The following MAP3K5 variants were observed in gnomAD, a reference collection of about 807,000 sequenced individuals.
MAP3K5 encodes ASK-1.
Under a neutral mutation model 158.7 loss-of-function variants are expected in MAP3K5, and 56 were observed. The observed-to-expected ratio is 0.35, with a 90% CI of 0.28 to 0.44. The LOEUF (loss-of-function observed/expected upper bound fraction) is 0.44. Among genes scored for constraint, MAP3K5 ranks in the 20% least tolerant of loss-of-function variants. The pLI, the probability that MAP3K5 is intolerant of heterozygous loss-of-function variation, is 1.00. For synonymous variants in MAP3K5, 579 were observed against 601.7 expected, an observed-to-expected ratio of 0.96 and a Z score of 0.55; for missense variants, 1,294 against 1,674.8, an observed-to-expected ratio of 0.77 and a Z score of 3.97.
At chr6:136,670,539 A>C (rs1230560530) in intron 7 of MAP3K5, among the ~76,000 whole-genome samples, 1 of 152,094 alleles carries the variant, frequency 6.6e-6, no homozygotes, top group Non-Finnish European at 1.5e-5. Context: ...AAGCATTCTC[A>C]CCTAAGTCAT....
intron 7 of MAP3K5, among the ~76,000 whole-genome samples, chr6:136,683,895 A>T (rs764790504): frequency 1.3e-5 from 2 of 152,174 alleles, no homozygotes; most frequent in Non-Finnish European, 2.9e-5. Flanking sequence ...GGCAACACGA[A>T]ATTCACTGGA....
intron 2 of MAP3K5, among the ~76,000 whole-genome samples, chr6:136,706,640 A>G (rs935124302): frequency 2.0e-5 from 3 of 152,170 alleles, no homozygotes; most frequent in Non-Finnish European, 2.9e-5. Context: ...GGGAGGGAAG[A>G]GTGTGGCCAG....
rs1421872092 is a variant in MAP3K5 at position 136,593,792 on chromosome 6, T to G, written c.2879-1178A>C. On this transcript the variant is annotated intron_variant, in intron 21 of 29. Transcript: ENST00000359015. Reference sequence around the variant, plus strand: ...CACACATCCTAATGCTACAAAAGCATTTTAATAAAGAATGAAGGTATAAAA... The same window carrying G: ...CACACATCCTAATGCTACAAAAGCAGTTTAATAAAGAATGAAGGTATAAAA... The G allele has an allele frequency of 1.2e-4, 46 of 395,374 alleles. 1 individual carries two copies. In the Admixed American group the frequency reaches 1.6e-3, roughly 14 times the overall value. The allele number at this position is 395,374 out of a possible 1,614,324, so 24.5% of individuals were successfully genotyped here.
At chr6:136,688,972 T>A (rs1267407098) in intron 7 of MAP3K5, among the ~76,000 whole-genome samples, 2 of 152,138 alleles carry the variant, frequency 1.3e-5, no homozygotes, top group African/African-American at 2.4e-5. Context: ...GGCTGCACAA[T>A]TACACTCCTC....
rs772781526 is a variant in MAP3K5, at chr6:136,669,344, A to G, written c.1305T>C (p.Tyr435=). The part of the protein sequence containing the change: ...SEPTLQSGIN[Y]AVLLLAAGHQ... ...GTCCAGCTGCCAGGAGGAGGACCGC[A>G]TAATTAATTCCTGACTGTAGTGTTG... The change falls in exon 8 of 30, where the codon TAT becomes TAC. Residue 435 remains tyrosine, a synonymous_variant. Transcript: ENST00000359015. The G allele has an allele frequency of 2.5e-6, 4 of 1,613,838 alleles. No individual in the cohort carries two copies. Among genetic ancestry groups the G allele is most frequent in the African/African-American group, 1.3e-5 (1 of 74,930 alleles).
At chr6:136,615,362 G>T (rs1776517226) in intron 15 of MAP3K5, among the ~76,000 whole-genome samples, 1 of 152,204 alleles carries the variant, frequency 6.6e-6, no homozygotes, top group Non-Finnish European at 1.5e-5. Flanking sequence ...TACTTCCCTT[G>T]CAGGGGTTAA....
Position 136,622,969 on chromosome 6 carries a change from A to G in MAP3K5, c.2029T>C (p.Tyr677His), listed in dbSNP as rs770073908. The change falls in exon 15 of 30, where the codon TAT becomes CAT. Residue 677 changes from tyrosine (Y) to histidine (H), a missense_variant. This residue lies in a region of MAP3K5 where 690 missense variants were observed against 870.5 expected (regional missense o/e 0.79). Transcript: ENST00000359015. The stretch of plus-strand genomic sequence containing the variant: ...ACGACTCTGTCACCATTTTCATCAT[A>G]TTCATAGTCATACTACAAAAGGAAA... ...ESDLLEYDYEYDENGDRVVLG... is the reference protein window; with the variant it reads ...ESDLLEYDYEHDENGDRVVLG... The G allele has an allele frequency of 1.2e-6, 2 of 1,613,920 alleles. No homozygotes were observed. Among genetic ancestry groups the G allele is most frequent in the Non-Finnish European group, 1.7e-6 (2 of 1,179,900 alleles).
chr6:136,784,982 T>C (rs569175878), intron 1 of MAP3K5, among the ~76,000 whole-genome samples: 75 of 152,344 alleles, frequency 4.9e-4, no homozygotes, highest in Non-Finnish European at 8.4e-4. Context: ...GGCAAACACA[T>C]GTCAGTCCTC....
chr6:136,786,212 C>G (rs1784837786), intron 1 of MAP3K5, among the ~76,000 whole-genome samples: 1 of 151,922 alleles, frequency 6.6e-6, no homozygotes. Flanking sequence ...CCTGTCTCTA[C>G]TAATAATACA....
rs1336547712 is a variant in MAP3K5, at chr6:136,625,542, T to G, written c.2017-2561A>C. Among the ~76,000 whole-genome samples, 3 of 152,290 alleles carry G rather than the reference T, an allele frequency of 2.0e-5. No homozygotes were observed. In the East Asian group the frequency reaches 5.8e-4, roughly 29 times the overall value. On this transcript the variant is annotated intron_variant, in intron 14 of 29. Transcript: ENST00000359015. ...AGACTGAGCTCTGGAGGAGCAAAAA[T>G]AGGTCTTCTCTAAACACTTTCAACC...
At chr6:136,731,102 C>T (rs1300152464) in intron 1 of MAP3K5, among the ~76,000 whole-genome samples, 2 of 152,172 alleles carry the variant, frequency 1.3e-5, no homozygotes, top group African/African-American at 2.4e-5. Flanking sequence ...TTAAAAGTCA[C>T]AATGGCGCAC....
chr6:136,592,584 G>A lies in MAP3K5; in HGVS notation c.2909C>T (p.Pro970Leu), dbSNP rs1305184865. 1 of 1,613,908 alleles carries A rather than the reference G, an allele frequency of 6.2e-7. No homozygotes were observed. The highest frequency in any genetic ancestry group is 8.5e-7 in the Non-Finnish European group (1 of 1,179,932). Reference sequence around the variant, plus strand: ...GCTGCTGGTGTCCTCCACCAGCACAGGTACCGGCAAGGATATACTCCTGAG... The same window carrying A: ...GCTGCTGGTGTCCTCCACCAGCACAAGTACCGGCAAGGATATACTCCTGAG... ...EYLRSISLPV[P>L]VLVEDTSSSS... The change falls in exon 22 of 30, where the codon CCT becomes CTT. Residue 970 changes from proline (P) to leucine (L), a missense_variant. This residue lies in a region of MAP3K5 where 362 missense variants were observed against 463.2 expected (regional missense o/e 0.78). Coordinates refer to ENST00000359015, the MANE Select transcript of MAP3K5 (RefSeq NM_005923.4).
chr6:136,701,579 C>T (rs1780856590), intron 3 of MAP3K5, among the ~76,000 whole-genome samples: 1 of 152,220 alleles, frequency 6.6e-6, no homozygotes, highest in African/African-American at 2.4e-5. Context: ...TCCCACAGCA[C>T]ATCCGCCCAA....
In MAP3K5 at chr6:136,557,726, G is replaced by A; in HGVS notation, c.*32C>T. The A allele has an allele frequency of 6.5e-7, 1 of 1,550,092 alleles. No homozygotes were observed. The highest frequency in any genetic ancestry group is 8.9e-7 in the Non-Finnish European group (1 of 1,122,434). ...AAGATCAGCTCTGTATTAATTTTTAGAATTTCCATCGAAGATTAGATTGAG... is the reference window on the plus strand; with the variant it reads ...AAGATCAGCTCTGTATTAATTTTTAAAATTTCCATCGAAGATTAGATTGAG... On this transcript the variant is annotated 3_prime_UTR_variant, in exon 30 of 30. Transcript: ENST00000359015.
intron 3 of MAP3K5, among the ~76,000 whole-genome samples, chr6:136,698,948 C>G (rs1241865804): frequency 6.6e-6 from 1 of 152,188 alleles, no homozygotes; most frequent in Non-Finnish European, 1.5e-5. Flanking sequence ...TCTTTCAAGG[C>G]TAGGGCACTA....
intron 1 of MAP3K5, among the ~76,000 whole-genome samples, chr6:136,746,989 A>G (rs977877947): frequency 2.0e-5 from 3 of 152,168 alleles, no homozygotes; most frequent in Non-Finnish European, 4.4e-5. Context: ...TCTCTCAATC[A>G]TAACTCACTG....
Position 136,638,566 on chromosome 6 carries a change from T to A in MAP3K5, c.1934+977A>T, listed in dbSNP as rs73777942. 4.1e-3 allele frequency among the ~76,000 whole-genome samples: 623 copies of A among 152,312 alleles called. 4 individuals carry two copies. The highest frequency in any genetic ancestry group is 0.014 in the African/African-American group (599 of 41,572). ...GGGCACACACTTCATAAATTTTAGC[T>A]ATAATTATCATAGAAACAGGTCAAC... On this transcript the variant is annotated intron_variant, in intron 13 of 29. Coordinates refer to ENST00000359015, the MANE Select transcript of MAP3K5 (RefSeq NM_005923.4).
At chr6:136,773,258 G>A (rs1010551965) in intron 1 of MAP3K5, among the ~76,000 whole-genome samples, 3 of 152,100 alleles carry the variant, frequency 2.0e-5, no homozygotes, top group African/African-American at 7.2e-5. Flanking sequence ...GCCTTACCTT[G>A]GGAGTAGCCT....
chr6:136,779,564 A>G (rs904301620), intron 1 of MAP3K5, among the ~76,000 whole-genome samples: 2 of 152,128 alleles, frequency 1.3e-5, no homozygotes, highest in African/African-American at 4.8e-5. Context: ...AATTTATAAG[A>G]CCAAAGTGTC....
Sources: gnomAD v4.1 joint callset for allele counts (sites outside exome capture counted in the v4.1 genomes callset) on GRCh38, gnomAD v4.1.1 for gene constraint, gnomAD v4.1.1 regional missense constraint, MANE v1.5 for transcripts, NCBI Gene and HGNC (gene_info 2026-07-23, HGNC 2026-07-21) for gene names.